Variants in CEP76 observed in about 807,000 individuals in gnomAD.
CEP76 encodes centrosomal protein 76.
In CEP76, 55 loss-of-function variants were observed where a neutral mutation model predicts 83.3. The observed-to-expected ratio is 0.66, with a 90% confidence interval of 0.53 to 0.83. The LOEUF is 0.83. Among genes scored for constraint, CEP76 ranks in the 40% least tolerant of loss-of-function variants. The pLI is 0.00. For missense variants in CEP76, 694 were observed against 799.5 expected (o/e 0.87, Z 1.59); for synonymous variants, 270 against 274.5 (o/e 0.98, Z 0.16).
At chr18:12,686,066 TA>T in intron 8 of CEP76, 195 bp downstream of exon 8, 1 of 468,390 alleles carries the variant, frequency 2.1e-6, no homozygotes, top group East Asian at 3.5e-5. Flanking sequence ...TAATTTGTAC[TA>T]TTTTTTATTA....
chr18:12,666,285 C>T (rs950715124), intron 12 of CEP76, among the ~76,000 whole-genome samples: 11 of 152,074 alleles, frequency 7.2e-5, no homozygotes, highest in African/African-American at 2.2e-4. Flanking sequence ...GCTGTGATCA[C>T]ACCCCTGCAC....
chr18:12,662,191 G>GAAAAAAAAA (rs5823232), intron 12 of CEP76: 1 of 328,602 alleles, frequency 3.0e-6, no homozygotes. Flanking sequence ...CACCAGAAAG[G>GAAAAAAAAA]AAAAAAAAAA....
At chr18:12,665,565 C>T (rs78543731) in intron 12 of CEP76, among the ~76,000 whole-genome samples, 11,682 of 152,210 alleles carry the variant, frequency 0.077, 622 homozygotes, top group Middle Eastern at 0.16. Flanking sequence ...CTCCTACTCT[C>T]GACCTAGCAA....
At chr18:12,687,887 C>A in intron 7 of CEP76, among the ~76,000 whole-genome samples, 1 of 151,954 alleles carries the variant, frequency 6.6e-6, no homozygotes, top group Non-Finnish European at 1.5e-5. Flanking sequence ...GTCCTGAAAT[C>A]ACAAACTAAA....
At chr18:12,697,821 A>T (rs577827412) in intron 4 of CEP76, among the ~76,000 whole-genome samples, 13,965 of 152,268 alleles carry the variant, frequency 0.092, 880 homozygotes, top group Non-Finnish European at 0.13. Context: ...AAAATACAGC[A>T]CATCGAATCT....
chr18:12,698,149 CTT>C (rs1020825713), intron 4 of CEP76, among the ~76,000 whole-genome samples: 1 of 149,220 alleles, frequency 6.7e-6, no homozygotes, highest in Admixed American at 6.6e-5. Context: ...CTAAATTTGA[CTT>C]TTTATTTTAT....
intron 12 of CEP76, among the ~76,000 whole-genome samples, chr18:12,662,846 T>C (rs1407889245): frequency 2.0e-5 from 3 of 152,200 alleles, no homozygotes; most frequent in Non-Finnish European, 4.4e-5. Flanking sequence ...CAATAGTGTA[T>C]CAATGGGTTC....
At chr18:12,689,993 T>C (rs372195095) in intron 7 of CEP76, among the ~76,000 whole-genome samples, 17 of 152,356 alleles carry the variant, frequency 1.1e-4, no homozygotes, top group African/African-American at 3.6e-4. Flanking sequence ...TTCGCCATGT[T>C]GGCCAGGCTG....
In CEP76 at chr18:12,678,154, A is replaced by T. The variant is rs1172788781; in HGVS notation, c.1578T>A (p.Asn526Lys). 6.2e-7 allele frequency: 1 copy of T among 1,613,870 alleles called. No individual in the cohort carries two copies. Among genetic ancestry groups the T allele is most frequent in the African/African-American group, 1.3e-5 (1 of 74,918 alleles). ...ASTIDASVTS[N>K]EIEMQLRLLV... is the part of the protein sequence containing the mutation. ...GGAGCCTCAGCTGCATTTCAATTTC[A>T]TTACTTGTTACTGACGCGTCAATTG... is the stretch of plus-strand genomic sequence containing the variant. The change falls in exon 10 of 12, where the codon AAT (asparagine) becomes AAA (lysine). Residue 526 changes from asparagine (N) to lysine (K), a missense_variant. By Grantham distance (94) the Asn-to-Lys change is moderately conservative. Transcript: ENST00000262127.
intron 10 of CEP76, among the ~76,000 whole-genome samples, chr18:12,676,053 T>C (rs1403684351): frequency 6.6e-6 from 1 of 152,110 alleles, no homozygotes; most frequent in Non-Finnish European, 1.5e-5. Flanking sequence ...TACAAAAAAT[T>C]CTCAAAATTC....
At chr18:12,667,954 A>T (rs2038839002), downstream of CEP76, among the ~76,000 whole-genome samples, 1 of 150,890 alleles carries the variant, frequency 6.6e-6, no homozygotes, top group Non-Finnish European at 1.5e-5. Context: ...AAATCCAGCC[A>T]CATCAATAAT....
chr18:12,674,854 T>C, intron 10 of CEP76, 101 bp from the exon 11 acceptor site: 1 of 608,624 alleles, frequency 1.6e-6, no homozygotes, highest in Non-Finnish European at 2.7e-6. Context: ...CAAGAAAAGA[T>C]TTTTAAAAGC....
intron 8 of CEP76, among the ~76,000 whole-genome samples, chr18:12,683,871 A>T (rs2145033667): frequency 6.6e-6 from 1 of 152,184 alleles, no homozygotes. Context: ...TATGAAATAA[A>T]TGATACATAT....
At chr18:12,683,776 A>G (rs2145033279) in intron 8 of CEP76, among the ~76,000 whole-genome samples, 1 of 152,054 alleles carries the variant, frequency 6.6e-6, no homozygotes, top group African/African-American at 2.4e-5. Flanking sequence ...GGAAATCAGA[A>G]AGACTGTAGC....
intron 7 of CEP76, among the ~76,000 whole-genome samples, chr18:12,688,314 C>CAA (rs567433777): frequency 1.3e-3 from 202 of 150,574 alleles, no homozygotes; most frequent in African/African-American, 4.7e-3. Context: ...CTAAAAAGTT[C>CAA]AAAAAGCATC....
At chr18:12,671,485 G>C (rs1210075189), downstream of CEP76, among the ~76,000 whole-genome samples, 1 of 151,950 alleles carries the variant, frequency 6.6e-6, no homozygotes, top group Admixed American at 6.6e-5. Flanking sequence ...ATGCACAGAA[G>C]TGCTAAATGG....
intron 3 of CEP76, 54 bp from the exon 4 acceptor site, chr18:12,699,257 T>C: frequency 8.1e-7 from 1 of 1,227,556 alleles, no homozygotes; most frequent in Non-Finnish European, 1.2e-6. Flanking sequence ...TAAAAGAATG[T>C]GATCAAGACA....
intron 8 of CEP76, chr18:12,684,536 G>A (rs12458895): frequency 0.24 from 35,740 of 149,964 alleles, 4,924 homozygotes; most frequent in Non-Finnish European, 0.32. Context: ...ACTGGAGTGC[G>A]ATGGCGTGAT....
chr18:12,682,389 A>C (rs1463331698), intron 8 of CEP76, among the ~76,000 whole-genome samples: 1 of 152,056 alleles, frequency 6.6e-6, no homozygotes, highest in Non-Finnish European at 1.5e-5. Context: ...AGGTTTCACC[A>C]AGTTGCCCTG....
Sources: allele counts gnomAD v4.1 joint callset (sites outside exome capture counted in the v4.1 genomes callset), GRCh38; gene constraint gnomAD v4.1.1; transcripts MANE v1.5; gene names NCBI Gene and HGNC (gene_info 2026-07-23, HGNC 2026-07-21).